The following HCFC1R1 variants were observed in gnomAD, a reference collection of about 807,000 sequenced individuals.
HCFC1R1 encodes HCF-1 beta-propeller-interacting protein.
A neutral mutation model predicts 13.3 loss-of-function variants in HCFC1R1; 17 were observed. That is an observed-to-expected ratio of 1.28 (90% CI 0.87 to 1.91). HCFC1R1 has a LOEUF of 1.91. Among genes scored for constraint, HCFC1R1 ranks in the 40% most tolerant of loss-of-function variants. HCFC1R1 has a pLI of 0.00. For synonymous variants in HCFC1R1, 87 were observed against 71.1 expected, an observed-to-expected ratio of 1.22 and a Z score of -1.12; for missense variants, 218 against 177.9, an observed-to-expected ratio of 1.23 and a Z score of -1.28.
upstream of HCFC1R1, chr16:3,024,212 C>G: frequency 2.2e-6 from 3 of 1,358,520 alleles, no homozygotes; most frequent in Admixed American, 1.8e-5. Context: ...CGGTACGCAC[C>G]AGCCACCTTC....
At chr16:3,023,152 G>A (rs1398589634) in intron 3 of HCFC1R1, 81 bp downstream of exon 3, 2 of 1,496,206 alleles carry the variant, frequency 1.3e-6, no homozygotes, top group East Asian at 2.3e-5. Context: ...AGCTAAAAAT[G>A]GCACGATGAG....
Position 3,023,292 on chromosome 16 carries a change from G to C in HCFC1R1, c.222C>G (p.His74Gln). 2 of 1,592,194 alleles carry C rather than the reference G, an allele frequency of 1.3e-6. No homozygotes were observed. The highest frequency in any genetic ancestry group is 1.7e-4 in the Middle Eastern group (1 of 5,954). The part of the protein sequence containing the change: ...MATHFSQLSL[H>Q]NDHPYCSPPM... ...GGGGGCTGCAGTAGGGGTGGTCATT[G>C]TGCAGGCTGAGTTGAGAGAAGTGGG... is the stretch of plus-strand genomic sequence containing the variant. The change falls in exon 3 of 4, where the codon CAC (histidine) becomes CAG (glutamine). Residue 74 changes from histidine to glutamine, a missense_variant. Transcript: ENST00000248089.
At chr16:3,024,261 C>T (rs889726635), upstream of HCFC1R1, 4 of 1,605,486 alleles carry the variant, frequency 2.5e-6, no homozygotes, top group East Asian at 2.2e-5. Context: ...AGGAACCGCT[C>T]TAGGCACGTA....
intron 3 of HCFC1R1, 26 bp from the exon 4 acceptor site, chr16:3,023,024 C>T (rs2072651263): frequency 6.3e-7 from 1 of 1,591,352 alleles, no homozygotes; most frequent in African/African-American, 1.4e-5. Flanking sequence ...ACTGTCAGGG[C>T]ATGGAGCTGA....
In HCFC1R1 at chr16:3,022,970, G is replaced by A. The variant is rs2072648069; in HGVS notation, c.310C>T (p.Arg104Cys). Residue 104 changes from arginine to cysteine, a missense_variant, in exon 4 of 4, where the codon CGC becomes TGC. Arg to Cys is a radical substitution (Grantham distance 180). Coordinates refer to ENST00000248089, the MANE Select transcript of HCFC1R1 (RefSeq NM_017885.4). The part of the protein sequence containing the change: ...RSPCSELLLW[R>C]YPGSLIPEAL... ...TCAGGGATGAGGCTGCCAGGATAGCGCCAGAGAAGCAGCTCAGAGCAAGGG... is the reference window on the plus strand; with the variant it reads ...TCAGGGATGAGGCTGCCAGGATAGCACCAGAGAAGCAGCTCAGAGCAAGGG... The A allele has an allele frequency of 1.3e-6, 2 of 1,592,810 alleles. No homozygotes were observed. Among genetic ancestry groups the A allele is most frequent in the African/African-American group, 1.4e-5 (1 of 73,256 alleles).
Position 3,022,781 on chromosome 16 carries a change from G to T in HCFC1R1, c.*82C>A. 1 of 1,279,592 alleles carries T rather than the reference G, an allele frequency of 7.8e-7. No homozygotes were observed. The highest frequency in any genetic ancestry group is 1.0e-6 in the Non-Finnish European group (1 of 972,068). 79.3% of individuals were successfully genotyped at this position (1,279,592 alleles called of 1,614,324 possible). A position where few individuals can be genotyped will look rare whatever the true frequency, so the allele number is the denominator to read the frequency against. On this transcript the variant is annotated 3_prime_UTR_variant, in exon 4 of 4. Coordinates refer to ENST00000248089, the MANE Select transcript of HCFC1R1 (RefSeq NM_017885.4). ...GATGCCTACTCTGCAGGAGAGGGAG[G>T]AACCTTGTCCCTTTGCGGGAGTCGC...
rs2072642433 is a variant in HCFC1R1 at position 3,022,877 on chromosome 16, T to G, written c.403A>C (p.Ile135Leu). 1 of 1,528,800 alleles carries G rather than the reference T, an allele frequency of 6.5e-7. No individual in the cohort carries two copies. Among genetic ancestry groups the G allele is most frequent in the Non-Finnish European group, 8.7e-7 (1 of 1,150,132 alleles). 94.7% of individuals were successfully genotyped at this position (1,528,800 alleles called of 1,614,324 possible). The change falls in exon 4 of 4, where the codon ATA becomes CTA. Residue 135 changes from isoleucine (I) to leucine (L), a missense_variant. Physicochemically the swap from Ile to Leu is conservative, Grantham distance 5 (BLOSUM62 2). Coordinates refer to ENST00000248089, the MANE Select transcript of HCFC1R1 (RefSeq NM_017885.4). ...TCCACCAGCACTCAGAGCTCCATTA[T>G]GTCCCCAGCTGGGGTTGCAGGGTAG... The part of the protein sequence containing the change: ...PPYPATPAGD[I>L]MEL
chr16:3,024,143 C>A, upstream of HCFC1R1: 1 of 741,316 alleles, frequency 1.3e-6, no homozygotes. Context: ...CTGCGGTGGA[C>A]ACCACTTCTT....
chr16:3,024,009 G>C (rs989455727), upstream of HCFC1R1: 12 of 1,227,756 alleles, frequency 9.8e-6, no homozygotes, highest in Non-Finnish European at 1.4e-5. Context: ...GTGGCCAAGA[G>C]AGGATGGGCG....
chr16:3,022,840 G>A lies in HCFC1R1; in HGVS notation c.*23C>T, dbSNP rs756940025. The A allele has an allele frequency of 1.3e-6, 2 of 1,493,734 alleles. No individual in the cohort carries two copies. The highest frequency in any genetic ancestry group is 5.4e-5 in the East Asian group (2 of 37,156). The allele number at this position is 1,493,734 out of a possible 1,614,324, so 92.5% of individuals were successfully genotyped here. On this transcript the variant is annotated 3_prime_UTR_variant, in exon 4 of 4. Coordinates refer to ENST00000248089, the MANE Select transcript of HCFC1R1 (RefSeq NM_017885.4). Reference sequence around the variant, plus strand: ...TCTGTTGTGGGGAAGAAGGAAGGTGGGAGGGGCACTGTCCACCAGCACTCA... The same window carrying A: ...TCTGTTGTGGGGAAGAAGGAAGGTGAGAGGGGCACTGTCCACCAGCACTCA...
At chr16:3,023,206 G>A in intron 3 of HCFC1R1, 27 bp downstream of exon 3, 9 of 1,537,722 alleles carry the variant, frequency 5.9e-6, no homozygotes, top group Non-Finnish European at 7.9e-6. Flanking sequence ...TGATTCTGCA[G>A]AAGGCCTGGC....
At position 3,023,882 on chromosome 16, in the gene HCFC1R1, C is replaced by T; in HGVS notation, c.60G>A (p.Arg20=). The T allele has an allele frequency of 6.4e-7, 1 of 1,554,578 alleles. No individual in the cohort carries two copies. The highest frequency in any genetic ancestry group is 8.7e-7 in the Non-Finnish European group (1 of 1,154,592). The change falls in exon 1 of 4, where the codon CGG becomes CGA. Residue 20 remains arginine (R), a synonymous_variant. Transcript: ENST00000248089. The part of the protein sequence containing the change: ...GPQGGAQRLP[R]AALGVTWGLD... Reference sequence around the variant, plus strand: ...GGCCCCAAGTCACCCCCAAGGCGGCCCGCGGGAGGCGCTGGGCCCCTCCCT... The same window carrying T: ...GGCCCCAAGTCACCCCCAAGGCGGCTCGCGGGAGGCGCTGGGCCCCTCCCT...
In HCFC1R1 at chr16:3,023,483, T is replaced by A. The variant is rs778125742; in HGVS notation, c.143A>T (p.Glu48Val). 6.2e-7 allele frequency: 1 copy of A among 1,612,572 alleles called. No individual in the cohort carries two copies. Residue 48 changes from glutamate (E) to valine (V), a missense_variant, in exon 2 of 4, where the codon GAG (glutamate) becomes GTG (valine). Coordinates refer to ENST00000248089, the MANE Select transcript of HCFC1R1 (RefSeq NM_017885.4). ...AVPMSTKRRL[E>V]EEQEPLRKQF... ...CTGCCCCCAAACTCACTGCTCCTCC[T>A]CCAGGCGCCGCTTGGTGCTCATGGG...
chr16:3,023,841 A>G lies in HCFC1R1; in HGVS notation c.95+6T>C. The G allele has an allele frequency of 1.3e-6, 2 of 1,538,680 alleles. No homozygotes were observed. Among genetic ancestry groups the G allele is most frequent in the Non-Finnish European group, 1.7e-6 (2 of 1,147,204 alleles). On this transcript the variant is annotated splice_donor_region_variant and intron_variant, in intron 1 of 3. Coordinates refer to ENST00000248089, the MANE Select transcript of HCFC1R1 (RefSeq NM_017885.4). ...GGTCAGGCCCACCCTGGTCCCCTACACGCACCTGGCGTCCAGGCCCCAAGT... is the reference window on the plus strand; with the variant it reads ...GGTCAGGCCCACCCTGGTCCCCTACGCGCACCTGGCGTCCAGGCCCCAAGT...
At chr16:3,024,257 C>G, upstream of HCFC1R1, 2 of 1,600,776 alleles carry the variant, frequency 1.2e-6, no homozygotes, top group Non-Finnish European at 1.7e-6. Context: ...GGAGAGGAAC[C>G]GCTCTAGGCA....
upstream of HCFC1R1, chr16:3,024,156 T>C: frequency 1.3e-6 from 1 of 782,122 alleles, no homozygotes; most frequent in Non-Finnish European, 2.1e-6. Context: ...CACTTCTTAA[T>C]GTCGGGGGTC....
chr16:3,023,350 C>T lies in HCFC1R1; in HGVS notation c.164G>A (p.Arg55His), dbSNP rs760530262. The change falls in exon 3 of 4, where the codon CGC (arginine) becomes CAC (histidine). Residue 55 changes from arginine (R) to histidine (H), a missense_variant. By Grantham distance (29) the Arg-to-His change is conservative. Transcript: ENST00000248089. ...RRLEEEQEPL[R>H]KQFLSEENMA... Reference sequence around the variant, plus strand: ...GTTCTCCTCAGACAGAAACTGCTTGCGCAGAGGCTCCCTGGGGAGAGATGG... The same window carrying T: ...GTTCTCCTCAGACAGAAACTGCTTGTGCAGAGGCTCCCTGGGGAGAGATGG... 3 of 1,608,102 alleles carry T rather than the reference C, an allele frequency of 1.9e-6. No homozygotes were observed. Among genetic ancestry groups the T allele is most frequent in the Non-Finnish European group, 2.6e-6 (3 of 1,176,268 alleles).
chr16:3,024,279 G>T (rs771985153), upstream of HCFC1R1: 2 of 1,613,550 alleles, frequency 1.2e-6, no homozygotes, highest in Non-Finnish European at 1.7e-6. Flanking sequence ...GTAAGGCCTC[G>T]TGAGGTTGCG....
chr16:3,023,264 T>C lies in HCFC1R1; in HGVS notation c.250A>G (p.Met84Val), dbSNP rs147841549. 57 of 1,567,380 alleles carry C rather than the reference T, an allele frequency of 3.6e-5. No homozygotes were observed. In the African/African-American group the frequency reaches 6.3e-4, roughly 17 times the overall value. Residue 84 changes from methionine to valine, a missense_variant, in exon 3 of 4, where the codon ATG becomes GTG. Met to Val is a conservative substitution (Grantham distance 21, BLOSUM62 1). Transcript: ENST00000248089. ...HNDHPYCSPPMTFSPALPPLR... is the reference protein window; with the variant it reads ...HNDHPYCSPPVTFSPALPPLR... ...GGGGGCAGGGCTGGGGAGAAGGTCATGGGGGGGCTGCAGTAGGGGTGGTCA... is the reference window on the plus strand; with the variant it reads ...GGGGGCAGGGCTGGGGAGAAGGTCACGGGGGGGCTGCAGTAGGGGTGGTCA...
Sources: gnomAD v4.1 joint callset for allele counts on GRCh38, gnomAD v4.1.1 for gene constraint, MANE v1.5 for transcripts, NCBI Gene and HGNC (gene_info 2026-07-23, HGNC 2026-07-21) for gene names.